RIOX2: variants seen among roughly 807,000 people sequenced by gnomAD.
The protein encoded by RIOX2 is 60S ribosomal protein L27a histidine hydroxylase.
A neutral mutation model predicts 51.2 loss-of-function variants in RIOX2; 43 were observed. The ratio of observed to expected loss-of-function variants is 0.84; its 90% CI spans 0.66 to 1.08. The LOEUF is 1.08. Ranked by LOEUF, RIOX2 falls within the 50% of genes least tolerant of loss-of-function variation. The pLI is 0.00. For missense variants in RIOX2, 566 were observed against 561.7 expected (o/e 1.01, Z -0.08); for synonymous variants, 226 against 218.5 (o/e 1.03, Z -0.30).
In RIOX2 at chr3:97,946,604, A is replaced by ATATATATATATCTATC. The variant is rs1553712244; in HGVS notation, c.1150-718_1150-717insGATAGATATATATATA. On this transcript the variant is annotated intron_variant, in intron 8 of 9. Transcript: ENST00000394198. ...TGAGGATGTATATATATATATATATATATCTATTCATGTATATTCATATAT... is the reference window on the plus strand; with the variant it reads ...TGAGGATGTATATATATATATATATATATATATATATCTATCTATCTATTCATGTATATTCATATAT... Among the ~76,000 whole-genome samples the ATATATATATATCTATC allele has an allele frequency of 7.7e-4, 108 of 139,722 alleles. 1 individual carries two copies. Among genetic ancestry groups the ATATATATATATCTATC allele is most frequent in the Non-Finnish European group, 1.2e-3 (81 of 65,616 alleles). The allele number at this position is 139,722 out of a possible 152,430, so 91.7% of individuals were successfully genotyped here. A position where few individuals can be genotyped will look rare whatever the true frequency, so the allele number is the denominator to read the frequency against.
chr3:97,944,795 A>G lies in RIOX2; in HGVS notation c.*389T>C, dbSNP rs576961705. On this transcript the variant is annotated 3_prime_UTR_variant, in exon 10 of 10. Coordinates refer to ENST00000394198, the MANE Select transcript of RIOX2 (RefSeq NM_153182.4). ...TATTTTCATTATAAAAAACCAGTTT[A>G]AAATTTTTTCTTATTTTAATTGTTT... is the stretch of plus-strand genomic sequence containing the variant. The G allele has an allele frequency of 2.6e-4, 41 of 155,782 alleles. No homozygotes were observed. The highest frequency in any genetic ancestry group is 5.1e-4 in the Non-Finnish European group (36 of 70,356). The allele number at this position is 155,782 out of a possible 1,614,324, so 9.6% of individuals were successfully genotyped here.
In RIOX2 at chr3:97,959,116, C is replaced by A; in HGVS notation, c.616G>T (p.Ala206Ser). Residue 206 changes from alanine (A) to serine (S), a missense_variant, in exon 4 of 10, where the codon GCA becomes TCA. Ala to Ser is a moderately conservative substitution (Grantham distance 99). Coordinates refer to ENST00000394198, the MANE Select transcript of RIOX2 (RefSeq NM_153182.4). The stretch of plus-strand genomic sequence containing the variant: ...TCGGCCTCCACGCTGTACTCTCGTG[C>A]CAGGGGCACAGTGGGGTGGTAGAGG... The part of the protein sequence containing the change: ...WRLYHPTVPL[A>S]REYSVEAEER... 1.2e-6 allele frequency: 2 copies of A among 1,613,962 alleles called. No individual in the cohort carries two copies. The highest frequency in any genetic ancestry group is 8.5e-7 in the Non-Finnish European group (1 of 1,179,932).
chr3:97,965,426 C>G (rs539072426), intron 2 of RIOX2, among the ~76,000 whole-genome samples: 1 of 151,368 alleles, frequency 6.6e-6, no homozygotes, highest in Non-Finnish European at 1.5e-5. Context: ...GCAGAAGGAT[C>G]ACTTGAACCC....
chr3:97,950,123 TC>T, intron 6 of RIOX2, 108 bp from the exon 7 acceptor site: 1 of 998,758 alleles, frequency 1.0e-6, no homozygotes, highest in Non-Finnish European at 1.5e-6. Flanking sequence ...TAGACATTAA[TC>T]CATGTCATTC....
chr3:97,959,231 C>T (rs1347487554), intron 3 of RIOX2, 52 bp from the exon 4 acceptor site: 1 of 1,576,234 alleles, frequency 6.3e-7, no homozygotes, highest in Non-Finnish European at 8.6e-7. Context: ...ACAACTCACA[C>T]ACAAAGTGCT....
At chr3:97,962,443 A>T (rs891386560) in intron 2 of RIOX2, among the ~76,000 whole-genome samples, 2 of 136,906 alleles carry the variant, frequency 1.5e-5, no homozygotes, top group Admixed American at 8.4e-5. Flanking sequence ...ACACTTGGGA[A>T]TTGCCTACAC....
intron 6 of RIOX2, among the ~76,000 whole-genome samples, chr3:97,950,556 G>A (rs1026542322): frequency 6.6e-6 from 1 of 152,180 alleles, no homozygotes; most frequent in African/African-American, 2.4e-5. Context: ...CACACTGCCT[G>A]CTACTGCCAC....
rs1310918209 is a variant in RIOX2, at chr3:97,943,132, G to A, written c.*2052C>T. The A allele has an allele frequency of 1.7e-5, 12 of 690,912 alleles. No individual in the cohort carries two copies. Among genetic ancestry groups the A allele is most frequent in the Middle Eastern group, 3.6e-4 (1 of 2,788 alleles). 42.8% of individuals were successfully genotyped at this position (690,912 alleles called of 1,614,324 possible). On this transcript the variant is annotated 3_prime_UTR_variant, in exon 10 of 10. Coordinates refer to ENST00000394198, the MANE Select transcript of RIOX2 (RefSeq NM_153182.4). ...TTTGTAAATGACACATTCATCCACC[G>A]AAATGGTGAGCTGAACAGAAGCTTG... is the stretch of plus-strand genomic sequence containing the variant.
At position 97,959,053 on chromosome 3, in the gene RIOX2, T is replaced by A. The variant is rs55907650; in HGVS notation, c.679A>T (p.Lys227Ter). ...TGCCCACAACGGTTATCACATACCT[T>A]CAGCATAAACTCATGCACCGGCCTG... The part of the protein sequence containing the change: ...IGRPVHEFML[K>*]PGDLLYFPRG... Residue 227 changes from lysine to a stop codon, truncating the protein, a stop_gained and splice_region_variant, in exon 4 of 10, where the codon AAG becomes TAG. Coordinates refer to ENST00000394198, the MANE Select transcript of RIOX2 (RefSeq NM_153182.4). LOFTEE classifies it high-confidence loss of function. The A allele has an allele frequency of 6.2e-6, 10 of 1,610,648 alleles. No individual in the cohort carries two copies. The East Asian group carries it at 2.2e-4, about 36-fold the overall frequency.
Position 97,967,683 on chromosome 3 carries a change from T to C in RIOX2, c.-39-51A>G, listed in dbSNP as rs182315684. On this transcript the variant is annotated intron_variant, in intron 1 of 9. Coordinates refer to ENST00000394198, the MANE Select transcript of RIOX2 (RefSeq NM_153182.4). ...GTTAGGTTTACAAGGAGTGCCAGCA[T>C]TGGTGTTAGTGGATCGCGCGCACAC... 7.6e-5 allele frequency: 100 copies of C among 1,314,264 alleles called. 1 individual carries two copies. In the African/African-American group the frequency reaches 1.4e-3, roughly 18 times the overall value. The allele number at this position is 1,314,264 out of a possible 1,614,324, so 81.4% of individuals were successfully genotyped here. A position where few individuals can be genotyped will look rare whatever the true frequency, so the allele number is the denominator to read the frequency against.
In RIOX2 at chr3:97,949,831, C is replaced by A. The variant is rs117714692; in HGVS notation, c.1060+13G>T. On this transcript the variant is annotated intron_variant, in intron 7 of 9. Transcript: ENST00000394198. ...TAGCCTCTGACCACCCAGAAGAAAACAGCAAGCTCCACCTGGTGTTGACAG... is the reference window on the plus strand; with the variant it reads ...TAGCCTCTGACCACCCAGAAGAAAAAAGCAAGCTCCACCTGGTGTTGACAG... 7.5e-4 allele frequency: 1,208 copies of A among 1,611,788 alleles called. 20 individuals are homozygous for A. In the East Asian group the frequency reaches 0.025, roughly 34 times the overall value.
At chr3:97,951,641 C>T (rs748236981) in intron 5 of RIOX2, among the ~76,000 whole-genome samples, 8 of 152,104 alleles carry the variant, frequency 5.3e-5, no homozygotes, top group Non-Finnish European at 1.0e-4. Context: ...CCTGTGTCAC[C>T]AGCAGATTTC....
chr3:97,969,310 C>A (rs549056965), intron 1 of RIOX2, among the ~76,000 whole-genome samples: 2 of 152,182 alleles, frequency 1.3e-5, no homozygotes, highest in African/African-American at 4.8e-5. Context: ...AACAGACCAG[C>A]TTGAATTCTC....
intron 5 of RIOX2, among the ~76,000 whole-genome samples, chr3:97,953,192 A>T (rs1705313214): frequency 6.6e-6 from 1 of 152,118 alleles, no homozygotes; most frequent in African/African-American, 2.4e-5. Flanking sequence ...CTACTTAGCT[A>T]AATGCATTCC....
At chr3:97,948,013 C>A (rs2040403930) in intron 7 of RIOX2, among the ~76,000 whole-genome samples, 1 of 152,104 alleles carries the variant, frequency 6.6e-6, no homozygotes, top group Non-Finnish European at 1.5e-5. Flanking sequence ...TAAAAACAGA[C>A]TAGCCTTACA....
chr3:97,956,129 C>T (rs1363325887), intron 4 of RIOX2, among the ~76,000 whole-genome samples: 2 of 152,144 alleles, frequency 1.3e-5, no homozygotes, highest in African/African-American at 4.8e-5. Flanking sequence ...ATGCGTAGCA[C>T]TACAACATTT....
chr3:97,968,377 T>A (rs1375965473), intron 1 of RIOX2, among the ~76,000 whole-genome samples: 1 of 152,200 alleles, frequency 6.6e-6, no homozygotes, highest in East Asian at 1.9e-4. Flanking sequence ...TATAACTTTT[T>A]AACTGAAGAT....
At position 97,942,536 on chromosome 3, in the gene RIOX2, A is replaced by G; in HGVS notation, c.*2648T>C. 1 of 1,133,468 alleles carries G rather than the reference A, an allele frequency of 8.8e-7. No homozygotes were observed. Among genetic ancestry groups the G allele is most frequent in the Non-Finnish European group, 1.2e-6 (1 of 820,164 alleles). 70.2% of individuals were successfully genotyped at this position (1,133,468 alleles called of 1,614,324 possible). A position where few individuals can be genotyped will look rare whatever the true frequency, so the allele number is the denominator to read the frequency against. On this transcript the variant is annotated 3_prime_UTR_variant, in exon 10 of 10. Coordinates refer to ENST00000394198, the MANE Select transcript of RIOX2 (RefSeq NM_153182.4). ...TGGGTAAAGGACATCCTTATGTATA[A>G]GAGAAATGTTAAGTCATTTAAAATT... is the stretch of plus-strand genomic sequence containing the variant.
chr3:97,952,521 G>A (rs1705290117), intron 5 of RIOX2, among the ~76,000 whole-genome samples: 1 of 152,172 alleles, frequency 6.6e-6, no homozygotes, highest in African/African-American at 2.4e-5. Context: ...CTAATGTTAT[G>A]AGTAAACAGA....
Sources: allele counts gnomAD v4.1 joint callset (sites outside exome capture counted in the v4.1 genomes callset), GRCh38; gene constraint gnomAD v4.1.1; transcripts MANE v1.5; gene names NCBI Gene and HGNC (gene_info 2026-07-23, HGNC 2026-07-21).